COL25A1: variants seen among roughly 807,000 people sequenced by gnomAD.
The protein encoded by COL25A1 is collagen alpha-1(XXV) chain.
In COL25A1, 103 loss-of-function variants were observed where a neutral mutation model predicts 128.4. The observed-to-expected ratio is 0.80, with a 90% CI of 0.68 to 0.94. The LOEUF is 0.94. COL25A1 is among the 40% of genes least tolerant of loss of function. The pLI is 0.00. For synonymous variants in COL25A1, 279 were observed against 277.2 expected, an observed-to-expected ratio of 1.01 and a Z score of -0.06; for missense variants, 745 against 840.0, an observed-to-expected ratio of 0.89 and a Z score of 1.40.
At chr4:108,928,833 G>A (rs1746396178) in intron 11 of COL25A1, among the ~76,000 whole-genome samples, 1 of 152,136 alleles carries the variant, frequency 6.6e-6, no homozygotes, top group African/African-American at 2.4e-5. Flanking sequence ...ATAGGCATGA[G>A]CCACAGAGCC....
intron 20 of COL25A1, among the ~76,000 whole-genome samples, chr4:108,865,821 T>C (rs779692939): frequency 7.9e-5 from 12 of 152,186 alleles, no homozygotes; most frequent in Non-Finnish European, 1.3e-4. Context: ...ACAGTGGCTA[T>C]TCACAGGCAC....
intron 3 of COL25A1, among the ~76,000 whole-genome samples, chr4:109,058,650 T>A (rs934366498): frequency 1.3e-5 from 2 of 152,196 alleles, no homozygotes; most frequent in Admixed American, 1.3e-4. Flanking sequence ...ATTTAAAAAG[T>A]GGGCTAATAG....
chr4:108,869,287 A>G (rs1299189557), intron 19 of COL25A1, 137 bp from the exon 20 acceptor site: 6 of 537,646 alleles, frequency 1.1e-5, no homozygotes, highest in African/African-American at 1.0e-4. Flanking sequence ...TTTCTTGCCG[A>G]GATCCAGCTA....
intron 3 of COL25A1, among the ~76,000 whole-genome samples, chr4:109,196,111 C>A (rs948912732): frequency 6.6e-6 from 1 of 152,152 alleles, no homozygotes; most frequent in African/African-American, 2.4e-5. Context: ...GCAAAGTTCT[C>A]TGTGCGCTGT....
At chr4:109,188,343 C>T (rs188486937) in intron 3 of COL25A1, among the ~76,000 whole-genome samples, 8 of 152,270 alleles carry the variant, frequency 5.3e-5, no homozygotes, top group South Asian at 4.1e-4. Flanking sequence ...GCTGGGAACA[C>T]GTGGTGGTGC....
intron 25 of COL25A1, among the ~76,000 whole-genome samples, chr4:108,852,658 T>C (rs1282626829): frequency 6.6e-6 from 1 of 152,140 alleles, no homozygotes; most frequent in Non-Finnish European, 1.5e-5. Flanking sequence ...CCCTAAAGAA[T>C]AAAGCTATAT....
At chr4:108,862,803 C>T (rs1332522246) in intron 21 of COL25A1, among the ~76,000 whole-genome samples, 1 of 152,140 alleles carries the variant, frequency 6.6e-6, no homozygotes, top group East Asian at 1.9e-4. Flanking sequence ...GTGAATAATT[C>T]TCATTAGTCT....
At chr4:109,144,213 TCA>T (rs573032360) in intron 3 of COL25A1, among the ~76,000 whole-genome samples, 112 of 152,196 alleles carry the variant, frequency 7.4e-4, no homozygotes, top group Non-Finnish European at 2.1e-4. Flanking sequence ...TGCCCTAGTA[TCA>T]CCAGCGGAGG....
At chr4:109,058,932 C>T (rs1214695847) in intron 3 of COL25A1, among the ~76,000 whole-genome samples, 3 of 152,068 alleles carry the variant, frequency 2.0e-5, no homozygotes, top group Non-Finnish European at 4.4e-5. Flanking sequence ...CGAAGTCATT[C>T]GAGTAAGAGT....
intron 3 of COL25A1, among the ~76,000 whole-genome samples, chr4:109,224,255 G>A (rs1012972017): frequency 7.2e-5 from 11 of 152,082 alleles, no homozygotes; most frequent in Admixed American, 3.3e-4. Flanking sequence ...GATCAACCAG[G>A]TTCTGAAAAA....
intron 6 of COL25A1, among the ~76,000 whole-genome samples, chr4:108,979,798 C>G (rs1404058430): frequency 1.3e-5 from 2 of 152,118 alleles, no homozygotes; most frequent in Non-Finnish European, 2.9e-5. Flanking sequence ...TACTCTGAGT[C>G]TGGAGGAGGG....
chr4:108,883,274 C>T (rs112199234), intron 19 of COL25A1, among the ~76,000 whole-genome samples: 16 of 152,126 alleles, frequency 1.1e-4, no homozygotes, highest in African/African-American at 2.9e-4. Flanking sequence ...ATAATCCGCC[C>T]GCTTCAGCCT....
At chr4:108,870,859 T>C (rs1738623058) in intron 19 of COL25A1, among the ~76,000 whole-genome samples, 1 of 152,156 alleles carries the variant, frequency 6.6e-6, no homozygotes, top group Admixed American at 6.5e-5. Flanking sequence ...TGTTGAAAGT[T>C]TACACGGAAA....
rs777236224 is a variant in COL25A1 at position 109,050,129 on chromosome 4, A to T, written c.412+6T>A. 1 of 1,608,532 alleles carries T rather than the reference A, an allele frequency of 6.2e-7. No homozygotes were observed. The highest frequency in any genetic ancestry group is 1.1e-5 in the South Asian group (1 of 90,380). On this transcript the variant is annotated splice_donor_region_variant and intron_variant, in intron 4 of 37. Coordinates refer to ENST00000399132, the MANE Select transcript of COL25A1 (RefSeq NM_198721.4). ...GTGACACAGAGCAGCTGAAAGAGAG[A>T]CTTACCAGATTCTCCTCTTCGGCCT...
intron 3 of COL25A1, among the ~76,000 whole-genome samples, chr4:109,113,623 T>TGAAGCTGTTTA: frequency 6.6e-6 from 1 of 151,992 alleles, no homozygotes; most frequent in Non-Finnish European, 1.5e-5. Flanking sequence ...TTATGGTAAA[T>TGAAGCTGTTTA]TGGGCAATAA....
intron 3 of COL25A1, among the ~76,000 whole-genome samples, chr4:109,243,883 T>C (rs1013087575): frequency 2.0e-5 from 3 of 152,126 alleles, no homozygotes; most frequent in Non-Finnish European, 2.9e-5. Context: ...ATAAAATCTA[T>C]GTTTTTTGAG....
intron 3 of COL25A1, among the ~76,000 whole-genome samples, chr4:109,124,543 T>A (rs189558114): frequency 0.011 from 1,625 of 151,288 alleles, 10 homozygotes; most frequent in South Asian, 0.024. Flanking sequence ...AGAATTAAAA[T>A]TTTTTTTCCA....
intron 3 of COL25A1, among the ~76,000 whole-genome samples, chr4:109,070,978 C>T (rs986202494): frequency 8.6e-5 from 13 of 151,908 alleles, no homozygotes; most frequent in African/African-American, 2.2e-4. Context: ...AAAAAGAGCC[C>T]GCATTGCCAA....
chr4:108,868,269 C>T (rs1234151960), intron 20 of COL25A1, among the ~76,000 whole-genome samples: 2 of 152,100 alleles, frequency 1.3e-5, no homozygotes, highest in African/African-American at 4.8e-5. Context: ...TTTCACCATC[C>T]TGTTGTCTTG....
Sources: gnomAD v4.1 joint callset for allele counts (sites outside exome capture counted in the v4.1 genomes callset) on GRCh38, gnomAD v4.1.1 for gene constraint, MANE v1.5 for transcripts, NCBI Gene and HGNC (gene_info 2026-07-23, HGNC 2026-07-21) for gene names.